DPY19L1: variants seen among roughly 807,000 people sequenced by gnomAD.
DPY19L1 encodes dpy-19 like C-mannosyltransferase 1, also known as protein C-mannosyl-transferase DPY19L1.
A neutral mutation model predicts 96.9 loss-of-function variants in DPY19L1; 35 were observed. The ratio of observed to expected loss-of-function variants is 0.36; its 90% confidence interval spans 0.28 to 0.48. The LOEUF (loss-of-function observed/expected upper bound fraction) is 0.48. Ranked by LOEUF, DPY19L1 falls within the 20% of genes least tolerant of loss-of-function variation. DPY19L1 has a pLI of 0.99. For missense variants in DPY19L1, 521 were observed against 777.9 expected (o/e 0.67, Z 3.93); for synonymous variants, 205 against 252.6 (o/e 0.81, Z 1.79).
chr7:34,940,064 A>C (rs2128781252), intron 19 of DPY19L1, 89 bp downstream of exon 19: 1 of 1,179,500 alleles, frequency 8.5e-7, no homozygotes, highest in Non-Finnish European at 1.1e-6. Context: ...AGTGGAAGTA[A>C]CTAGGGTTTA....
intron 10 of DPY19L1, among the ~76,000 whole-genome samples, chr7:34,959,914 T>TATATATTTATATATATATATAA (rs1562806903): frequency 1.9e-4 from 2 of 10,588 alleles, no homozygotes; most frequent in African/African-American, 1.7e-3. Flanking sequence ...TATATATATA[T>TATATATTTATATATATATATAA]ATATATATAT....
At chr7:35,007,607 GTGTATA>G (rs968433014) in intron 6 of DPY19L1, among the ~76,000 whole-genome samples, 12 of 87,430 alleles carry the variant, frequency 1.4e-4, no homozygotes, top group African/African-American at 3.2e-4. Flanking sequence ...GTGTGTGTGT[GTGTATA>G]TATATATTTA....
chr7:35,027,668 TAAAAA>T (rs57262214), intron 1 of DPY19L1, among the ~76,000 whole-genome samples: 3 of 71,410 alleles, frequency 4.2e-5, no homozygotes, highest in South Asian at 9.6e-4. Context: ...CCGTCTCTAC[TAAAAA>T]AAAAAAAAAA....
At chr7:35,013,089 C>CA (rs1159624518) in intron 4 of DPY19L1, among the ~76,000 whole-genome samples, 3 of 152,120 alleles carry the variant, frequency 2.0e-5, no homozygotes, top group African/African-American at 7.2e-5. Context: ...AGCCTTCTGA[C>CA]AAAATCATTA....
chr7:34,958,484 G>A (rs1367446517), intron 10 of DPY19L1, among the ~76,000 whole-genome samples: 1 of 152,136 alleles, frequency 6.6e-6, no homozygotes, highest in Non-Finnish European at 1.5e-5. Flanking sequence ...CGAATACTGC[G>A]AAACACTTAA....
intron 13 of DPY19L1, among the ~76,000 whole-genome samples, chr7:34,953,327 T>C (rs981583039): frequency 2.0e-5 from 3 of 152,234 alleles, no homozygotes; most frequent in African/African-American, 7.2e-5. Flanking sequence ...TGCATAATTT[T>C]AGGCTATGAC....
chr7:35,018,737 C>T (rs6963995), intron 1 of DPY19L1, 141 bp from the exon 2 acceptor site: 188,685 of 684,314 alleles, frequency 0.28, 27,457 homozygotes, highest in Non-Finnish European at 0.3. Flanking sequence ...CCCAGGGCTA[C>T]GTTTAAAATT....
chr7:35,003,806 C>T (rs1179389879), intron 6 of DPY19L1, among the ~76,000 whole-genome samples: 1 of 152,252 alleles, frequency 6.6e-6, no homozygotes, highest in Non-Finnish European at 1.5e-5. Flanking sequence ...CTTCACACAC[C>T]AGGCTTGGTG....
intron 6 of DPY19L1, among the ~76,000 whole-genome samples, chr7:35,005,419 G>A (rs989103374): frequency 6.6e-6 from 1 of 151,480 alleles, no homozygotes; most frequent in South Asian, 2.1e-4. Flanking sequence ...AGAGGTGAAT[G>A]GGACCAGGGC....
intron 10 of DPY19L1, among the ~76,000 whole-genome samples, chr7:34,962,941 T>A (rs1196702565): frequency 6.6e-6 from 1 of 152,044 alleles, no homozygotes; most frequent in Non-Finnish European, 1.5e-5. Context: ...ATGCCTGTAA[T>A]CCCAGCACTT....
At chr7:34,939,472 G>A in intron 19 of DPY19L1, 97 bp from the exon 20 acceptor site, 1 of 997,106 alleles carries the variant, frequency 1.0e-6, no homozygotes. Context: ...TAACAGAGCG[G>A]AAGCCCAGCA....
At chr7:34,973,468 T>C in intron 8 of DPY19L1, 46 bp downstream of exon 8, 1 of 1,241,648 alleles carries the variant, frequency 8.1e-7, no homozygotes, top group Non-Finnish European at 1.1e-6. Context: ...GAAATTTTAG[T>C]TAAAATTATT....
intron 10 of DPY19L1, among the ~76,000 whole-genome samples, chr7:34,962,280 T>C (rs1404366604): frequency 6.6e-6 from 1 of 152,254 alleles, no homozygotes; most frequent in Non-Finnish European, 1.5e-5. Flanking sequence ...CTAAATGAGC[T>C]ATCAAGCCAT....
Position 35,005,810 on chromosome 7 carries a change from C to CA in DPY19L1, c.764+4657dup, listed in dbSNP as rs3048618. Among the ~76,000 whole-genome samples, 74 of 143,388 alleles carry CA rather than the reference C, an allele frequency of 5.2e-4. 1 individual carries two copies. The highest frequency in any genetic ancestry group is 9.1e-4 in the South Asian group (4 of 4,390). 94.1% of individuals were successfully genotyped at this position (143,388 alleles called of 152,430 possible). On this transcript the variant is annotated intron_variant, in intron 6 of 21. Transcript: ENST00000638088. ...TGGGCAACAGAGTGAGATTTCGTCT[C>CA]AAAAAAAAAAAAAGTTTTGTCTTAA... is the stretch of plus-strand genomic sequence containing the variant.
intron 6 of DPY19L1, among the ~76,000 whole-genome samples, chr7:34,995,148 A>T (rs1785255275): frequency 6.6e-6 from 1 of 152,182 alleles, no homozygotes; most frequent in Non-Finnish European, 1.5e-5. Context: ...ATGTGACTTG[A>T]AACAAATCTA....
At chr7:35,028,645 C>A (rs1786185790) in intron 1 of DPY19L1, among the ~76,000 whole-genome samples, 1 of 152,142 alleles carries the variant, frequency 6.6e-6, no homozygotes, top group Admixed American at 6.5e-5. Flanking sequence ...CCGGGCGAGT[C>A]CAAAGCAAGT....
chr7:34,967,018 C>T (rs746841766), intron 9 of DPY19L1, 47 bp from the exon 10 acceptor site: 1 of 1,362,920 alleles, frequency 7.3e-7, no homozygotes, highest in Non-Finnish European at 9.9e-7. Flanking sequence ...AAATGAATAG[C>T]TACAAGAATG....
intron 1 of DPY19L1, among the ~76,000 whole-genome samples, chr7:35,026,036 T>G (rs1249930891): frequency 6.6e-6 from 1 of 151,960 alleles, no homozygotes; most frequent in Non-Finnish European, 1.5e-5. Context: ...AGATAAGAGG[T>G]GTCTGAGTAT....
At chr7:35,024,725 AT>A (rs1472285284) in intron 1 of DPY19L1, among the ~76,000 whole-genome samples, 1 of 152,226 alleles carries the variant, frequency 6.6e-6, no homozygotes, top group Non-Finnish European at 1.5e-5. Flanking sequence ...GTCCTTCAAA[AT>A]CAAAAGACTT....
Sources: gnomAD v4.1 joint callset for allele counts (sites outside exome capture counted in the v4.1 genomes callset) on GRCh38, gnomAD v4.1.1 for gene constraint, MANE v1.5 for transcripts, NCBI Gene and HGNC (gene_info 2026-07-23, HGNC 2026-07-21) for gene names.